ABCB1: variants seen among roughly 807,000 people sequenced by gnomAD.
ABCB1 encodes ATP-dependent translocase ABCB1.
A neutral mutation model predicts 142.0 loss-of-function variants in ABCB1; 69 were observed. The observed-to-expected ratio is 0.49, with a 90% CI of 0.40 to 0.59. The LOEUF (loss-of-function observed/expected upper bound fraction) is 0.59. Among genes scored for constraint, ABCB1 ranks in the 20% least tolerant of loss-of-function variants. The probability of loss-of-function intolerance (pLI) is 0.00; values close to 1 mark genes in which losing one functional copy is unlikely to be tolerated. For synonymous variants in ABCB1, 532 were observed against 539.2 expected, an observed-to-expected ratio of 0.99 and a Z score of 0.18; for missense variants, 1,326 against 1,554.7, an observed-to-expected ratio of 0.85 and a Z score of 2.47.
At chr7:87,678,571 T>G (rs778114432) in intron 1 of ABCB1, among the ~76,000 whole-genome samples, 5 of 151,824 alleles carry the variant, frequency 3.3e-5, no homozygotes, top group Non-Finnish European at 7.4e-5. Context: ...AAACAAACAA[T>G]AAAATGGTAG....
chr7:87,592,112 G>A (rs1010104316), intron 3 of ABCB1, among the ~76,000 whole-genome samples: 3 of 152,170 alleles, frequency 2.0e-5, no homozygotes, highest in Admixed American at 6.5e-5. Context: ...AAGACAGAAC[G>A]CAAAGGCCAC....
chr7:87,553,649 T>C, intron 9 of ABCB1, 112 bp downstream of exon 9: 4 of 1,175,134 alleles, frequency 3.4e-6, no homozygotes, highest in Admixed American at 1.9e-5. Context: ...AGTGCATATG[T>C]CTGTAGTATT....
At chr7:87,599,476 A>G (rs1428841139) in intron 2 of ABCB1, among the ~76,000 whole-genome samples, 1 of 152,180 alleles carries the variant, frequency 6.6e-6, no homozygotes, top group East Asian at 1.9e-4. Flanking sequence ...CCAGCAGCAT[A>G]TGGCTCACGT....
intron 8 of ABCB1, among the ~76,000 whole-genome samples, chr7:87,557,124 A>G (rs896255013): frequency 5.9e-5 from 9 of 152,162 alleles, no homozygotes; most frequent in Non-Finnish European, 1.0e-4. Flanking sequence ...ATTCTTTCAG[A>G]TCACATTTTT....
chr7:87,566,230 T>C lies in ABCB1; in HGVS notation c.542A>G (p.Lys181Arg), dbSNP rs760430324. Reference protein sequence around the residue: ...LNTRLTDDVSKINEGIGDKIG... With the variant: ...LNTRLTDDVSRINEGIGDKIG... Reference sequence around the variant, plus strand: ...TTTGTCACCAATTCCTTCATTAATCTTGGAGACATCACTGAAAGAACAGAT... The same window carrying C: ...TTTGTCACCAATTCCTTCATTAATCCTGGAGACATCACTGAAAGAACAGAT... Residue 181 changes from lysine to arginine, a missense_variant, in exon 7 of 28, where the codon AAG becomes AGG. Coordinates refer to ENST00000622132, the MANE Select transcript of ABCB1 (RefSeq NM_001348946.2). 6.2e-7 allele frequency: 1 copy of C among 1,613,926 alleles called. No homozygotes were observed. Among genetic ancestry groups the C allele is most frequent in the Non-Finnish European group, 8.5e-7 (1 of 1,179,886 alleles).
chr7:87,621,503 A>G (rs989813831), intron 1 of ABCB1, among the ~76,000 whole-genome samples: 3 of 152,138 alleles, frequency 2.0e-5, no homozygotes, highest in African/African-American at 7.2e-5. Flanking sequence ...CTCTATAAAT[A>G]TCAAATATGT....
chr7:87,505,976 A>G lies in ABCB1; in HGVS notation c.3557T>C (p.Ile1186Thr), dbSNP rs1814717293. ...LSGGQKQRIA[I>T]ARALVRQPHI... The stretch of plus-strand genomic sequence containing the variant: ...AGGCTGTCTAACAAGGGCACGAGCT[A>G]TGGCAATGCGTTGTTTCTGGCCACC... The change falls in exon 27 of 28, where the codon ATA (isoleucine) becomes ACA (threonine). Residue 1186 changes from isoleucine (I) to threonine (T), a missense_variant. Coordinates refer to ENST00000622132, the MANE Select transcript of ABCB1 (RefSeq NM_001348946.2). 1.2e-6 allele frequency: 2 copies of G among 1,614,020 alleles called. No homozygotes were observed. The highest frequency in any genetic ancestry group is 1.7e-6 in the Non-Finnish European group (2 of 1,179,966).
chr7:87,529,555 A>G (rs1200212025), intron 21 of ABCB1, among the ~76,000 whole-genome samples: 2 of 152,184 alleles, frequency 1.3e-5, no homozygotes, highest in African/African-American at 2.4e-5. Context: ...CCCCTCTGAC[A>G]GAACTCCAAG....
chr7:87,675,505 A>C (rs1826237282), intron 1 of ABCB1, among the ~76,000 whole-genome samples: 1 of 152,148 alleles, frequency 6.6e-6, no homozygotes, highest in Non-Finnish European at 1.5e-5. Context: ...AAAAACAGAT[A>C]CATAGACCAA....
At chr7:87,554,331 A>G (rs548318466) in intron 8 of ABCB1, among the ~76,000 whole-genome samples, 61 of 117,438 alleles carry the variant, frequency 5.2e-4, no homozygotes, top group African/African-American at 2.3e-3. Context: ...AATGTTAGAA[A>G]GTACTAAAAA....
intron 3 of ABCB1, among the ~76,000 whole-genome samples, chr7:87,589,069 G>T (rs1410461391): frequency 4.6e-5 from 7 of 152,118 alleles, no homozygotes; most frequent in Non-Finnish European, 1.5e-5. Context: ...CATGAAGCAA[G>T]ATTGATTTCT....
rs550157871 is a variant in ABCB1 at position 87,506,102 on chromosome 7, G to T, written c.3490-59C>A. 5.1e-6 allele frequency: 8 copies of T among 1,566,610 alleles called. No individual in the cohort carries two copies. In the African/African-American group the frequency reaches 8.1e-5, roughly 16 times the overall value. On this transcript the variant is annotated intron_variant, in intron 26 of 27. Coordinates refer to ENST00000622132, the MANE Select transcript of ABCB1 (RefSeq NM_001348946.2). ...ACTGAAAGTAAAGTTCTAACAGCTT[G>T]CTTATAGAAAGTAGGATAGACGATT...
intron 1 of ABCB1, among the ~76,000 whole-genome samples, chr7:87,668,254 G>T (rs1445026350): frequency 6.6e-6 from 1 of 151,776 alleles, no homozygotes; most frequent in Non-Finnish European, 1.5e-5. Context: ...TCTCTTCTAG[G>T]TTTTCTAGTT....
chr7:87,561,844 G>T (rs1367219578), intron 7 of ABCB1, among the ~76,000 whole-genome samples: 1 of 152,094 alleles, frequency 6.6e-6, no homozygotes, highest in Non-Finnish European at 1.5e-5. Context: ...AAATTAGCTA[G>T]GTGTGGTGGC....
At chr7:87,627,199 T>C (rs1820716755) in intron 1 of ABCB1, among the ~76,000 whole-genome samples, 1 of 152,238 alleles carries the variant, frequency 6.6e-6, no homozygotes, top group South Asian at 2.1e-4. Flanking sequence ...ATTAGGAATT[T>C]ACAACTTTAT....
Position 87,512,868 on chromosome 7 carries a change from G to A in ABCB1, c.3282+2363C>T, listed in dbSNP as rs117334763. Among the ~76,000 whole-genome samples, 1,417 of 152,322 alleles carry A rather than the reference G, an allele frequency of 9.3e-3. 8 individuals are homozygous for A. The highest frequency in any genetic ancestry group is 0.016 in the Non-Finnish European group (1,068 of 68,038). On this transcript the variant is annotated intron_variant, in intron 25 of 27. Coordinates refer to ENST00000622132, the MANE Select transcript of ABCB1 (RefSeq NM_001348946.2). ...TTGTTTTCAGTGCATTATCAATAAT[G>A]TCTTGGGATGCTTACTGTCCTATGC...
chr7:87,680,987 C>A (rs1826874768), intron 1 of ABCB1, among the ~76,000 whole-genome samples: 1 of 150,122 alleles, frequency 6.7e-6, no homozygotes, highest in Admixed American at 6.7e-5. Flanking sequence ...TCTGGTTAGG[C>A]TGATCAAGAA....
chr7:87,674,740 T>A (rs1044720295), intron 1 of ABCB1, among the ~76,000 whole-genome samples: 4 of 152,034 alleles, frequency 2.6e-5, no homozygotes, highest in African/African-American at 9.7e-5. Context: ...TGGTTGGGCA[T>A]CTGAGGCCGC....
chr7:87,535,152 A>G (rs146512400), intron 20 of ABCB1, among the ~76,000 whole-genome samples: 2,505 of 152,138 alleles, frequency 0.016, 41 homozygotes, highest in Non-Finnish European at 0.026. Context: ...GACTCCTTCT[A>G]TGCTTGCCCC....
Sources: allele counts gnomAD v4.1 joint callset (sites outside exome capture counted in the v4.1 genomes callset), GRCh38; gene constraint gnomAD v4.1.1; transcripts MANE v1.5; gene names NCBI Gene and HGNC (gene_info 2026-07-23, HGNC 2026-07-21).